CFDP1: variants seen among roughly 807,000 people sequenced by gnomAD.
CFDP1 encodes the protein chromatin remodeling protein CFDP1.
In CFDP1, 31 loss-of-function variants were observed where a neutral mutation model predicts 40.1. The observed-to-expected ratio is 0.77, with a 90% confidence interval of 0.58 to 1.04. The LOEUF (loss-of-function observed/expected upper bound fraction) is 1.04, where lower values mean the gene tolerates loss of function less well. Ranked by LOEUF, CFDP1 falls within the 50% of genes least tolerant of loss-of-function variation. The pLI is 0.00. For missense variants in CFDP1, 423 were observed against 343.4 expected (o/e 1.23, Z -1.83); for synonymous variants, 167 against 120.0 (o/e 1.39, Z -2.56).
intron 4 of CFDP1, among the ~76,000 whole-genome samples, chr16:75,401,403 G>C (rs1025896570): frequency 6.8e-6 from 1 of 146,736 alleles, no homozygotes; most frequent in Admixed American, 6.9e-5. Context: ...ACTCCACCCT[G>C]GGCAACAAAG....
At chr16:75,432,140 G>C (rs910613745) in intron 1 of CFDP1, among the ~76,000 whole-genome samples, 2 of 151,024 alleles carry the variant, frequency 1.3e-5, no homozygotes, top group African/African-American at 4.9e-5. Flanking sequence ...TCGATCTCCA[G>C]ACCTTGTGAT....
At chr16:75,303,394 TAA>T (rs1491487828) in intron 6 of CFDP1, among the ~76,000 whole-genome samples, 21 of 134,198 alleles carry the variant, frequency 1.6e-4, no homozygotes, top group African/African-American at 5.4e-4. Context: ...AATAAATAAA[TAA>T]ATAAATGTAT....
intron 5 of CFDP1, among the ~76,000 whole-genome samples, chr16:75,345,384 G>A (rs764502987): frequency 1.8e-4 from 28 of 152,102 alleles, no homozygotes; most frequent in Non-Finnish European, 3.8e-4. Context: ...TTGAATGTGG[G>A]AAGTGCAAGT....
At chr16:75,309,231 T>C (rs574908513) in intron 5 of CFDP1, among the ~76,000 whole-genome samples, 3 of 152,250 alleles carry the variant, frequency 2.0e-5, no homozygotes, top group East Asian at 3.9e-4. Context: ...CCTGGTGTCA[T>C]TTCAGCACAG....
At chr16:75,430,013 T>C (rs1480462772) in intron 1 of CFDP1, among the ~76,000 whole-genome samples, 1 of 152,168 alleles carries the variant, frequency 6.6e-6, no homozygotes, top group East Asian at 1.9e-4. Flanking sequence ...AGAAATATAC[T>C]GGTTTGGTCC....
At chr16:75,371,935 G>A (rs1301035867) in intron 5 of CFDP1, among the ~76,000 whole-genome samples, 1 of 152,162 alleles carries the variant, frequency 6.6e-6, no homozygotes, top group African/African-American at 2.4e-5. Flanking sequence ...AGGGAAAAGG[G>A]AAAAACTACT....
chr16:75,394,657 G>C (rs973509422), intron 5 of CFDP1: 2 of 58,568 alleles, frequency 3.4e-5, no homozygotes, highest in Admixed American at 2.5e-4. Flanking sequence ...AATTTTCTTC[G>C]CTTTTTTTTT....
chr16:75,386,242 C>G (rs1368092897), intron 5 of CFDP1, among the ~76,000 whole-genome samples: 1 of 152,144 alleles, frequency 6.6e-6, no homozygotes, highest in Non-Finnish European at 1.5e-5. Context: ...AGGAAAAAGG[C>G]TGCTATGTGT....
chr16:75,384,895 T>G (rs1319484875), intron 5 of CFDP1, among the ~76,000 whole-genome samples: 1 of 107,698 alleles, frequency 9.3e-6, no homozygotes, highest in Non-Finnish European at 2.0e-5. Flanking sequence ...TATATATATA[T>G]ATATTGCAGA....
chr16:75,404,880 G>A (rs1013843489), intron 4 of CFDP1, among the ~76,000 whole-genome samples: 6 of 152,136 alleles, frequency 3.9e-5, no homozygotes, highest in East Asian at 1.9e-4. Flanking sequence ...AACGGATAGC[G>A]CGCTGGACTT....
intron 5 of CFDP1, among the ~76,000 whole-genome samples, chr16:75,309,175 C>T (rs886275162): frequency 6.6e-6 from 1 of 152,100 alleles, no homozygotes; most frequent in African/African-American, 2.4e-5. Flanking sequence ...GGTTCTGAGC[C>T]CTCCCACTCA....
chr16:75,420,111 C>CAAAAAAAAAA (rs10706144), intron 1 of CFDP1, among the ~76,000 whole-genome samples: 4 of 62,610 alleles, frequency 6.4e-5, no homozygotes, highest in Non-Finnish European at 1.2e-4. Context: ...ACCTTCATCT[C>CAAAAAAAAAA]AAAAAAAAAA....
chr16:75,300,829 C>A (rs756308724), intron 6 of CFDP1, among the ~76,000 whole-genome samples: 4 of 151,732 alleles, frequency 2.6e-5, no homozygotes, highest in African/African-American at 9.7e-5. Flanking sequence ...ATGGTAGCTG[C>A]AACTTGCAAC....
At chr16:75,317,344 C>T (rs535014725) in intron 5 of CFDP1, among the ~76,000 whole-genome samples, 3 of 152,328 alleles carry the variant, frequency 2.0e-5, no homozygotes, top group East Asian at 1.9e-4. Context: ...CAGCCCTTCC[C>T]GCCTCTGCTC....
In CFDP1 at chr16:75,329,278, G is replaced by A. The variant is rs116688526; in HGVS notation, c.651-24096C>T. ...TAGGATTACAGGCATGAACCACCAC[G>A]ATCAGCCCAAGCACAGAATTTTACA... is the stretch of plus-strand genomic sequence containing the variant. On this transcript the variant is annotated intron_variant, in intron 5 of 6. Coordinates refer to ENST00000283882, the MANE Select transcript of CFDP1 (RefSeq NM_006324.3). Among the ~76,000 whole-genome samples the A allele has an allele frequency of 2.9e-3, 447 of 152,276 alleles. 3 individuals are homozygous for A. Among genetic ancestry groups the A allele is most frequent in the African/African-American group, 0.01 (422 of 41,560 alleles).
intron 5 of CFDP1, among the ~76,000 whole-genome samples, chr16:75,308,548 A>G (rs1159015620): frequency 6.6e-6 from 1 of 152,264 alleles, no homozygotes; most frequent in East Asian, 1.9e-4. Flanking sequence ...GTGAACAGTG[A>G]GCACTCAATT....
chr16:75,338,937 T>C (rs2078508825), intron 5 of CFDP1, among the ~76,000 whole-genome samples: 2 of 152,188 alleles, frequency 1.3e-5, no homozygotes, highest in African/African-American at 4.8e-5. Flanking sequence ...CAGTTTTCTC[T>C]CTCTGGACGC....
chr16:75,328,730 G>C (rs370687422), intron 5 of CFDP1, among the ~76,000 whole-genome samples: 1 of 150,222 alleles, frequency 6.7e-6, no homozygotes, highest in South Asian at 2.1e-4. Flanking sequence ...CCAGGCTGGA[G>C]TACAGTGGTG....
chr16:75,302,600 C>T (rs536749249), intron 6 of CFDP1, among the ~76,000 whole-genome samples: 1 of 152,340 alleles, frequency 6.6e-6, no homozygotes, highest in African/African-American at 2.4e-5. Context: ...TGAACACTGT[C>T]CAACTCATAT....
Sources: gnomAD v4.1 joint callset for allele counts (sites outside exome capture counted in the v4.1 genomes callset) on GRCh38, gnomAD v4.1.1 for gene constraint, MANE v1.5 for transcripts, NCBI Gene and HGNC (gene_info 2026-07-23, HGNC 2026-07-21) for gene names.